The following MMS22L variants were observed in gnomAD, a reference collection of about 807,000 sequenced individuals.
MMS22L encodes protein MMS22-like.
In MMS22L, 74 loss-of-function variants were observed where a neutral mutation model predicts 159.1. The ratio of observed to expected loss-of-function variants is 0.47; its 90% CI spans 0.39 to 0.56. The LOEUF (loss-of-function observed/expected upper bound fraction) is 0.56. Ranked by LOEUF, MMS22L falls within the 20% of genes least tolerant of loss-of-function variation. MMS22L has a pLI of 0.00. For missense variants in MMS22L, 1,351 were observed against 1,422.1 expected (o/e 0.95, Z 0.80); for synonymous variants, 517 against 506.9 (o/e 1.02, Z -0.27).
chr6:97,219,445 C>T (rs1184110955), intron 14 of MMS22L, among the ~76,000 whole-genome samples: 4 of 152,098 alleles, frequency 2.6e-5, no homozygotes, highest in Non-Finnish European at 4.4e-5. Context: ...CTAAATATAG[C>T]TATTGAGGAC....
intron 22 of MMS22L, among the ~76,000 whole-genome samples, chr6:97,157,026 G>T (rs965156833): frequency 3.9e-5 from 6 of 152,084 alleles, no homozygotes; most frequent in African/African-American, 1.4e-4. Flanking sequence ...TCTCCTTGAA[G>T]AGGTCCTTCA....
chr6:97,278,827 A>C, intron 4 of MMS22L, 22 bp downstream of exon 4: 1 of 1,608,788 alleles, frequency 6.2e-7, no homozygotes, highest in South Asian at 1.1e-5. Flanking sequence ...TCCCTTTTGC[A>C]TTAAACACAC....
In MMS22L at chr6:97,263,317, A is replaced by C; in HGVS notation, c.942+18T>G. On this transcript the variant is annotated intron_variant, in intron 9 of 24. Coordinates refer to ENST00000683635, the MANE Select transcript of MMS22L (RefSeq NM_001350599.2). ...AAAGGTTAGTAACAATAACCAACAC[A>C]TCAATTTTCCAACTTACTTCCGAGA... The C allele has an allele frequency of 1.4e-6, 2 of 1,445,538 alleles. No homozygotes were observed. Among genetic ancestry groups the C allele is most frequent in the Non-Finnish European group, 1.9e-6 (2 of 1,043,216 alleles). 89.5% of individuals were successfully genotyped at this position (1,445,538 alleles called of 1,614,324 possible).
intron 9 of MMS22L, among the ~76,000 whole-genome samples, chr6:97,256,763 C>T (rs888394840): frequency 1.3e-5 from 2 of 152,068 alleles, no homozygotes; most frequent in Admixed American, 6.5e-5. Flanking sequence ...CCAACCTGGG[C>T]AGACCAGTGA....
intron 19 of MMS22L, among the ~76,000 whole-genome samples, chr6:97,168,467 A>G (rs1229718698): frequency 6.6e-6 from 1 of 152,140 alleles, no homozygotes; most frequent in Admixed American, 6.6e-5. Flanking sequence ...TTTTCCGAGC[A>G]ACTGGCATTT....
chr6:97,171,779 T>G (rs1177585915), intron 19 of MMS22L, among the ~76,000 whole-genome samples: 1 of 152,174 alleles, frequency 6.6e-6, no homozygotes, highest in Non-Finnish European at 1.5e-5. Context: ...CTCAAATGGT[T>G]ATGCTATCCC....
intron 15 of MMS22L, among the ~76,000 whole-genome samples, chr6:97,183,294 T>C (rs1182240823): frequency 2.6e-5 from 4 of 152,162 alleles, no homozygotes; most frequent in African/African-American, 4.8e-5. Flanking sequence ...GCATGGTCCA[T>C]TATTATACTC....
intron 11 of MMS22L, chr6:97,246,010 A>G (rs1388794090): frequency 8.2e-6 from 2 of 245,178 alleles, no homozygotes; most frequent in South Asian, 8.6e-5. Flanking sequence ...AATTCTCCAT[A>G]AACTCTTACA....
intron 11 of MMS22L, among the ~76,000 whole-genome samples, chr6:97,243,797 C>T (rs1026886710): frequency 1.3e-5 from 2 of 152,122 alleles, no homozygotes; most frequent in Non-Finnish European, 2.9e-5. Context: ...TCTCCCCCTT[C>T]CTGAGAGCCA....
rs375166906 is a variant in MMS22L at position 97,229,073 on chromosome 6, G to C, written c.1860C>G (p.Ile620Met). 1 of 1,614,124 alleles carries C rather than the reference G, an allele frequency of 6.2e-7. No homozygotes were observed. Among genetic ancestry groups the C allele is most frequent in the African/African-American group, 1.3e-5 (1 of 75,066 alleles). ...KNEEMVQRQTIWTLLSIYIDG... is the reference protein window; with the variant it reads ...KNEEMVQRQTMWTLLSIYIDG... The stretch of plus-strand genomic sequence containing the variant: ...CAATGTATATGGAAAGAAGGGTCCA[G>C]ATAGTCTGTCTCTGTACCATTTCCT... Residue 620 changes from isoleucine (I) to methionine (M), a missense_variant, in exon 14 of 25, where the codon ATC becomes ATG. Transcript: ENST00000683635.
chr6:97,264,680 A>G (rs1018118419), intron 8 of MMS22L: 6 of 152,164 alleles, frequency 3.9e-5, no homozygotes, highest in Non-Finnish European at 7.4e-5. Flanking sequence ...ATTTGAATAA[A>G]TAAATGCAGT....
chr6:97,264,417 C>T (rs879356842), intron 8 of MMS22L: 16 of 151,028 alleles, frequency 1.1e-4, no homozygotes, highest in Non-Finnish European at 2.4e-4. Context: ...ACAGAATGTA[C>T]ACTATATTTG....
At chr6:97,222,345 T>C (rs1373131853) in intron 14 of MMS22L, among the ~76,000 whole-genome samples, 3 of 152,042 alleles carry the variant, frequency 2.0e-5, no homozygotes, top group Non-Finnish European at 2.9e-5. Flanking sequence ...AAAATGTATT[T>C]TGAAGCCAGG....
intron 4 of MMS22L, among the ~76,000 whole-genome samples, chr6:97,277,090 T>TC (rs1348329476): frequency 6.6e-6 from 1 of 152,102 alleles, no homozygotes; most frequent in African/African-American, 2.4e-5. Context: ...GGCCATGGTA[T>TC]CCCCTACTGA....
At chr6:97,218,252 T>C (rs956840460) in intron 14 of MMS22L, among the ~76,000 whole-genome samples, 1 of 152,140 alleles carries the variant, frequency 6.6e-6, no homozygotes, top group Non-Finnish European at 1.5e-5. Flanking sequence ...TAGAAGACAA[T>C]AAACACAGAG....
At chr6:97,259,235 A>G (rs1024513382) in intron 9 of MMS22L, 2 of 152,184 alleles carry the variant, frequency 1.3e-5, no homozygotes, top group South Asian at 2.1e-4. Context: ...ATCAGTTCAG[A>G]TATCTTCCTC....
intron 14 of MMS22L, among the ~76,000 whole-genome samples, chr6:97,192,673 A>G (rs1167996888): frequency 6.6e-6 from 1 of 152,242 alleles, no homozygotes; most frequent in Non-Finnish European, 1.5e-5. Context: ...TATTTTGCCA[A>G]TTAGCAGTTG....
intron 14 of MMS22L, among the ~76,000 whole-genome samples, chr6:97,191,003 T>C (rs987453202): frequency 6.6e-6 from 1 of 152,202 alleles, no homozygotes; most frequent in Non-Finnish European, 1.5e-5. Flanking sequence ...GCTTTCCTCA[T>C]TATCTTCAAG....
intron 18 of MMS22L, among the ~76,000 whole-genome samples, chr6:97,174,040 G>A (rs1803850046): frequency 6.6e-6 from 1 of 151,934 alleles, no homozygotes; most frequent in Non-Finnish European, 1.5e-5. Flanking sequence ...AGATCATGAG[G>A]TCAAGAGATC....
Sources: allele counts gnomAD v4.1 joint callset (sites outside exome capture counted in the v4.1 genomes callset), GRCh38; gene constraint gnomAD v4.1.1; transcripts MANE v1.5; gene names NCBI Gene and HGNC (gene_info 2026-07-23, HGNC 2026-07-21).